MAZ: variants seen among roughly 807,000 people sequenced by gnomAD.
MAZ encodes the protein myc-associated zinc finger protein.
MAZ carries 4 observed loss-of-function variants against 32.7 expected under a neutral mutation model. The ratio of observed to expected loss-of-function variants is 0.12; its 90% CI spans 0.06 to 0.28. MAZ has a LOEUF of 0.28. MAZ is among the 10% of genes least tolerant of loss of function. MAZ has a pLI of 1.00. For missense variants in MAZ, 763 were observed against 667.2 expected, an observed-to-expected ratio of 1.14 and a Z score of -1.58; for synonymous variants, 510 against 297.6, an observed-to-expected ratio of 1.71 and a Z score of -7.35.
chr16:29,809,571 C>T (rs900303938), intron 4 of MAZ: 1 of 1,612,398 alleles, frequency 6.2e-7, no homozygotes, highest in African/African-American at 1.3e-5. Context: ...TGCGCATCCA[C>T]GCGGTGAAGG....
Position 29,808,138 on chromosome 16 carries a change from G to A in MAZ, c.1044-92G>A, listed in dbSNP as rs1012450292. On this transcript the variant is annotated intron_variant, in intron 2 of 4. Coordinates refer to ENST00000322945, the MANE Select transcript of MAZ (RefSeq NM_002383.4). ...TGTGACGGCCTGGGCTCCGGGAGGA[G>A]GCGCAGGGATCCTCGGAAAGGCCTG... 4 of 1,195,364 alleles carry A rather than the reference G, an allele frequency of 3.3e-6. No individual in the cohort carries two copies. The African/African-American group carries it at 6.0e-5, about 18-fold the overall frequency. The allele number at this position is 1,195,364 out of a possible 1,614,324, so 74.0% of individuals were successfully genotyped here. A position where few individuals can be genotyped will look rare whatever the true frequency, so the allele number is the denominator to read the frequency against.
chr16:29,810,414 T>C lies in MAZ; in HGVS notation c.*183T>C, dbSNP rs1467862312. The C allele has an allele frequency of 9.3e-6, 7 of 755,730 alleles. No homozygotes were observed. The highest frequency in any genetic ancestry group is 4.0e-5 in the Admixed American group (2 of 50,028). The allele number at this position is 755,730 out of a possible 1,614,324, so 46.8% of individuals were successfully genotyped here. A position where few individuals can be genotyped will look rare whatever the true frequency, so the allele number is the denominator to read the frequency against. Reference sequence around the variant, plus strand: ...GGTTTTAACGATTTGTTTCTCCTGCTCCTCTTCTGTCAGACCTGACCCCAC... The same window carrying C: ...GGTTTTAACGATTTGTTTCTCCTGCCCCTCTTCTGTCAGACCTGACCCCAC... On this transcript the variant is annotated 3_prime_UTR_variant, in exon 5 of 5. Coordinates refer to ENST00000322945, the MANE Select transcript of MAZ (RefSeq NM_002383.4).
chr16:29,807,281 G>C lies in MAZ; in HGVS notation c.496G>C (p.Ala166Pro), dbSNP rs201551085. ...IAAAAATAVV[A>P]PTSTVAVAPV... ...CGCGGCGGCGGCCACCGCCGTCGTA[G>C]CCCCAACCTCGACGGTCGCCGTGGC... Residue 166 changes from alanine (A) to proline (P), a missense_variant, in exon 2 of 5, where the codon GCC (alanine) becomes CCC (proline). By Grantham distance (27) the Ala-to-Pro change is conservative. Coordinates refer to ENST00000322945, the MANE Select transcript of MAZ (RefSeq NM_002383.4). 3 of 1,534,156 alleles carry C rather than the reference G, an allele frequency of 2.0e-6. No individual in the cohort carries two copies. The African/African-American group carries it at 4.3e-5, about 22-fold the overall frequency.
chr16:29,806,482 G>T (rs1899456566), upstream of MAZ: 2 of 236,960 alleles, frequency 8.4e-6, no homozygotes, highest in Non-Finnish European at 6.3e-6. Flanking sequence ...CACCCAGGGG[G>T]CGTCGCCGCC....
At chr16:29,809,522 C>G (rs754159328) in intron 4 of MAZ, 4 of 1,565,462 alleles carry the variant, frequency 2.6e-6, no homozygotes, top group South Asian at 1.1e-5. Context: ...CGCCCCATCC[C>G]AATCCACCCC....
chr16:29,806,611 C>A lies in MAZ; in HGVS notation c.-91C>A. The A allele has an allele frequency of 4.1e-6, 4 of 968,056 alleles. No homozygotes were observed. Among genetic ancestry groups the A allele is most frequent in the South Asian group, 9.5e-5 (2 of 21,102 alleles). The allele number at this position is 968,056 out of a possible 1,614,324, so 60.0% of individuals were successfully genotyped here. On this transcript the variant is annotated 5_prime_UTR_variant, in exon 1 of 5. Transcript: ENST00000322945. Reference sequence around the variant, plus strand: ...ATGCGTTCGGCGCGGCCCAGCCCGGCCGGCCGGGGGCGGCGCCCCGAGCCC... The same window carrying A: ...ATGCGTTCGGCGCGGCCCAGCCCGGACGGCCGGGGGCGGCGCCCCGAGCCC...
chr16:29,807,822 T>G lies in MAZ; in HGVS notation c.1037T>G (p.Phe346Cys), dbSNP rs747230455. 1 of 1,605,656 alleles carries G rather than the reference T, an allele frequency of 6.2e-7. No homozygotes were observed. The highest frequency in any genetic ancestry group is 8.5e-7 in the Non-Finnish European group (1 of 1,178,910). Reference sequence around the variant, plus strand: ...AACTGCTCCCACTGTGGCAAGAGCTTCTCCCGGTGTGCACGGGGCCTCGGC... The same window carrying G: ...AACTGCTCCCACTGTGGCAAGAGCTGCTCCCGGTGTGCACGGGGCCTCGGC... ...PYNCSHCGKS[F>C]SRPDHLNSHV... Residue 346 changes from phenylalanine to cysteine, a missense_variant, in exon 2 of 5, where the codon TTC (phenylalanine) becomes TGC (cysteine). Physicochemically the swap from Phe to Cys is radical, Grantham distance 205. Transcript: ENST00000322945.
At chr16:29,806,955 C>G in intron 1 of MAZ, 23 bp from the exon 2 acceptor site, 1 of 1,101,752 alleles carries the variant, frequency 9.1e-7, no homozygotes, top group South Asian at 3.2e-5. Context: ...ACCCGCGGCC[C>G]ACTCGGCGCC....
chr16:29,808,800 C>A, intron 4 of MAZ, 59 bp downstream of exon 4: 1 of 1,556,842 alleles, frequency 6.4e-7, no homozygotes, highest in Non-Finnish European at 8.7e-7. Flanking sequence ...TGGCCAGACG[C>A]CTTGCCACGG....
chr16:29,809,291 C>A (rs149337770), intron 4 of MAZ: 202 of 553,252 alleles, frequency 3.7e-4, no homozygotes, highest in Non-Finnish European at 6.0e-4. Flanking sequence ...GGAGAGGTCT[C>A]CCGGCCATGG....
chr16:29,806,129 C>T, upstream of MAZ: 2 of 1,238,880 alleles, frequency 1.6e-6, no homozygotes, highest in South Asian at 1.5e-5. Context: ...GAGCCACCTC[C>T]CTCCCTCCCT....
At position 29,807,310 on chromosome 16, in the gene MAZ, G is replaced by T; in HGVS notation, c.525G>T (p.Pro175=). 6.3e-7 allele frequency: 1 copy of T among 1,590,194 alleles called. No individual in the cohort carries two copies. The highest frequency in any genetic ancestry group is 1.1e-5 in the South Asian group (1 of 88,172). ...VAPTSTVAVA[P]VASALEKKTK... is the part of the protein sequence containing the mutation. ...CAACCTCGACGGTCGCCGTGGCCCC[G>T]GTCGCGTCTGCCTTGGAGAAGAAGA... The change falls in exon 2 of 5, where the codon CCG becomes CCT. Residue 175 remains proline (P), a synonymous_variant. Transcript: ENST00000322945.
chr16:29,807,792 C>T lies in MAZ; in HGVS notation c.1007C>T (p.Pro336Leu), dbSNP rs754109305. 2.5e-6 allele frequency: 4 copies of T among 1,610,940 alleles called. No individual in the cohort carries two copies. The highest frequency in any genetic ancestry group is 1.7e-5 in the Admixed American group (1 of 60,026). The change falls in exon 2 of 5, where the codon CCC becomes CTC. Residue 336 changes from proline (P) to leucine (L), a missense_variant. By Grantham distance (98) the Pro-to-Leu change is moderately conservative. Transcript: ENST00000322945. The stretch of plus-strand genomic sequence containing the variant: ...TCACATGACGGCGCTGTGCACAAGC[C>T]CTACAACTGCTCCCACTGTGGCAAG... ...VRSHDGAVHK[P>L]YNCSHCGKSF... is the part of the protein sequence containing the mutation.
chr16:29,809,184 G>T (rs1899755686), intron 4 of MAZ: 2 of 497,336 alleles, frequency 4.0e-6, no homozygotes, highest in Middle Eastern at 1.0e-3. Context: ...CCGGTTAACT[G>T]GGTTGAGACC....
chr16:29,807,287 A>G lies in MAZ; in HGVS notation c.502A>G (p.Thr168Ala). ...GGCGGCCACCGCCGTCGTAGCCCCA[A>G]CCTCGACGGTCGCCGTGGCCCCGGT... ...AAAATAVVAP[T>A]STVAVAPVAS... Residue 168 changes from threonine (T) to alanine (A), a missense_variant, in exon 2 of 5, where the codon ACC becomes GCC. By Grantham distance (58) the Thr-to-Ala change is moderately conservative. Transcript: ENST00000322945. 2 of 1,548,602 alleles carry G rather than the reference A, an allele frequency of 1.3e-6. No individual in the cohort carries two copies. Among genetic ancestry groups the G allele is most frequent in the Non-Finnish European group, 1.7e-6 (2 of 1,150,762 alleles).
At chr16:29,806,929 G>C in intron 1 of MAZ, 36 bp downstream of exon 1, 1 of 1,226,534 alleles carries the variant, frequency 8.2e-7, no homozygotes, top group Non-Finnish European at 1.0e-6. Flanking sequence ...CGGGCTGGGG[G>C]GGGACGCCCG....
At position 29,806,726 on chromosome 16, in the gene MAZ, C is replaced by G; in HGVS notation, c.25C>G (p.Leu9Val). The G allele has an allele frequency of 2.9e-6, 4 of 1,374,240 alleles. No individual in the cohort carries two copies. The highest frequency in any genetic ancestry group is 9.6e-7 in the Non-Finnish European group (1 of 1,044,662). The allele number at this position is 1,374,240 out of a possible 1,614,324, so 85.1% of individuals were successfully genotyped here. Residue 9 changes from leucine (L) to valine (V), a missense_variant, in exon 1 of 5, where the codon CTG becomes GTG. Physicochemically the swap from Leu to Val is conservative, Grantham distance 32 (BLOSUM62 1). Coordinates refer to ENST00000322945, the MANE Select transcript of MAZ (RefSeq NM_002383.4). MFPVFPCT[L>V]LAPPFPVLGL... The stretch of plus-strand genomic sequence containing the variant: ...CATGTTCCCGGTGTTTCCTTGCACG[C>G]TGCTGGCCCCCCCCTTCCCCGTGCT...
In MAZ at chr16:29,808,556, TC is replaced by T. The variant is rs778818809; in HGVS notation, c.1108-8del. 3.3e-6 allele frequency: 4 copies of T among 1,216,736 alleles called. No homozygotes were observed. Among genetic ancestry groups the T allele is most frequent in the African/African-American group, 5.1e-5 (2 of 39,490 alleles). The allele number at this position is 1,216,736 out of a possible 1,614,324, so 75.4% of individuals were successfully genotyped here. A position where few individuals can be genotyped will look rare whatever the true frequency, so the allele number is the denominator to read the frequency against. On this transcript the variant is annotated splice_polypyrimidine_tract_variant and intron_variant, in intron 3 of 4. Transcript: ENST00000322945. ...TCTCCTGTGACACCCCCCACGCCCC[TC>T]CCCCCTCCTCAGAAATGTGAGGCAG...
At chr16:29,810,034 C>T (rs749602122) in intron 4 of MAZ, 43 bp from the exon 5 acceptor site, 2 of 1,577,810 alleles carry the variant, frequency 1.3e-6, no homozygotes, top group Non-Finnish European at 1.7e-6. Flanking sequence ...AAGGCTCTTG[C>T]CATTCAGATC....
Sources: allele counts gnomAD v4.1 joint callset, GRCh38; gene constraint gnomAD v4.1.1; transcripts MANE v1.5; gene names NCBI Gene and HGNC (gene_info 2026-07-23, HGNC 2026-07-21).